GMDS: variants seen among roughly 807,000 people sequenced by gnomAD.
GMDS encodes GDP-mannose 4,6-dehydratase.
A neutral mutation model predicts 49.9 loss-of-function variants in GMDS; 20 were observed. That is an observed-to-expected ratio of 0.40 (90% confidence interval 0.28 to 0.58). GMDS has a LOEUF of 0.58. Among genes scored for constraint, GMDS ranks in the 20% least tolerant of loss-of-function variants. The pLI is 0.42. For synonymous variants in GMDS, 177 were observed against 178.6 expected, an observed-to-expected ratio of 0.99 and a Z score of 0.07; for missense variants, 362 against 481.4, an observed-to-expected ratio of 0.75 and a Z score of 2.32.
intron 9 of GMDS, among the ~76,000 whole-genome samples, chr6:1,685,879 A>G (rs1764959058): frequency 6.6e-6 from 1 of 152,192 alleles, no homozygotes; most frequent in Non-Finnish European, 1.5e-5. Context: ...AATTGCAAAA[A>G]TCTTCTTAAG....
intron 1 of GMDS, among the ~76,000 whole-genome samples, chr6:2,213,286 G>A (rs1780158697): frequency 6.6e-6 from 1 of 152,072 alleles, no homozygotes; most frequent in South Asian, 2.1e-4. Flanking sequence ...CTGGCAGTGG[G>A]GGTGGACTCT....
intron 6 of GMDS, among the ~76,000 whole-genome samples, chr6:1,953,317 TA>T (rs901311926): frequency 6.6e-6 from 1 of 151,256 alleles, no homozygotes; most frequent in Admixed American, 6.6e-5. Flanking sequence ...AAATCACATT[TA>T]AAAAAAAAGA....
At chr6:2,076,982 C>T (rs1267061501) in intron 4 of GMDS, among the ~76,000 whole-genome samples, 1 of 152,094 alleles carries the variant, frequency 6.6e-6, no homozygotes, top group East Asian at 1.9e-4. Flanking sequence ...GTTCATCCAT[C>T]TTTTGTAGTT....
intron 1 of GMDS, among the ~76,000 whole-genome samples, chr6:2,153,224 A>AT (rs910233424): frequency 1.3e-5 from 2 of 152,228 alleles, no homozygotes; most frequent in Non-Finnish European, 2.9e-5. Context: ...TAAAAAGGAA[A>AT]TTTTATGATA....
chr6:2,009,467 A>C (rs1426388820), intron 4 of GMDS, among the ~76,000 whole-genome samples: 1 of 152,204 alleles, frequency 6.6e-6, no homozygotes, highest in African/African-American at 2.4e-5. Context: ...TTGCTGTCAA[A>C]AGCAGACTAG....
At chr6:1,741,265 A>G (rs911192858) in intron 8 of GMDS, among the ~76,000 whole-genome samples, 3 of 152,198 alleles carry the variant, frequency 2.0e-5, no homozygotes. Context: ...ATTGTACAAC[A>G]GAATACCAGA....
intron 9 of GMDS, among the ~76,000 whole-genome samples, chr6:1,690,571 C>T (rs1204458382): frequency 6.6e-6 from 1 of 152,016 alleles, no homozygotes; most frequent in African/African-American, 2.4e-5. Context: ...AGTGAACAGA[C>T]AACCTACGGA....
At chr6:1,963,216 G>A (rs763239911) in intron 4 of GMDS, among the ~76,000 whole-genome samples, 1 of 147,744 alleles carries the variant, frequency 6.8e-6, no homozygotes, top group South Asian at 2.2e-4. Context: ...TCACTATGTT[G>A]CCCAGGCTGG....
At chr6:1,991,286 G>A (rs553297856) in intron 4 of GMDS, among the ~76,000 whole-genome samples, 21 of 152,146 alleles carry the variant, frequency 1.4e-4, no homozygotes, top group African/African-American at 4.1e-4. Context: ...CCACAGCTCC[G>A]GCATTTTCAA....
intron 8 of GMDS, among the ~76,000 whole-genome samples, chr6:1,733,438 G>T (rs1766891916): frequency 6.6e-6 from 1 of 152,200 alleles, no homozygotes. Context: ...CCTTTTGGCA[G>T]AACAGGGGGA....
At chr6:2,152,419 C>T (rs1776888599) in intron 1 of GMDS, among the ~76,000 whole-genome samples, 1 of 151,980 alleles carries the variant, frequency 6.6e-6, no homozygotes, top group African/African-American at 2.4e-5. Context: ...TAACTGGCTA[C>T]AAAATTATTA....
At chr6:2,133,780 G>A (rs1311238963) in intron 1 of GMDS, among the ~76,000 whole-genome samples, 1 of 152,126 alleles carries the variant, frequency 6.6e-6, no homozygotes, top group Non-Finnish European at 1.5e-5. Context: ...ACCCAGAAAG[G>A]TGCAGATCAT....
intron 9 of GMDS, among the ~76,000 whole-genome samples, chr6:1,637,626 A>G (rs988834487): frequency 2.0e-5 from 3 of 152,228 alleles, no homozygotes; most frequent in Non-Finnish European, 2.9e-5. Flanking sequence ...GCACCAGCAC[A>G]GATCATAACC....
intron 4 of GMDS, among the ~76,000 whole-genome samples, chr6:2,022,116 C>T (rs531974833): frequency 6.6e-6 from 1 of 152,130 alleles, no homozygotes; most frequent in East Asian, 1.9e-4. Context: ...AAAGACGACA[C>T]AGGCAACTCT....
intron 7 of GMDS, among the ~76,000 whole-genome samples, chr6:1,767,209 A>G (rs924827815): frequency 5.3e-5 from 8 of 152,100 alleles, no homozygotes; most frequent in Admixed American, 1.3e-4. Context: ...CCACCCCCCC[A>G]AATTTCATTA....
chr6:1,917,939 C>G (rs757688751), intron 7 of GMDS, among the ~76,000 whole-genome samples: 2 of 152,186 alleles, frequency 1.3e-5, no homozygotes, highest in African/African-American at 4.8e-5. Context: ...ATCACACTCA[C>G]GAGGGACAGA....
At chr6:2,121,369 G>C (rs906063950) in intron 2 of GMDS, among the ~76,000 whole-genome samples, 2 of 152,216 alleles carry the variant, frequency 1.3e-5, no homozygotes, top group African/African-American at 4.8e-5. Flanking sequence ...AAGAATGAAA[G>C]AGTGTTACAT....
intron 7 of GMDS, among the ~76,000 whole-genome samples, chr6:1,804,148 T>C (rs1485360559): frequency 6.6e-6 from 1 of 152,280 alleles, no homozygotes; most frequent in Admixed American, 6.5e-5. Flanking sequence ...TTTAATAAGA[T>C]GCGCTGTTTC....
At chr6:1,779,410 T>C (rs1330230915) in intron 7 of GMDS, among the ~76,000 whole-genome samples, 20 of 152,222 alleles carry the variant, frequency 1.3e-4, no homozygotes, top group Admixed American at 1.3e-3. Flanking sequence ...CCTGGGACTC[T>C]ACCTGGGCCC....
Sources: gnomAD v4.1 joint callset for allele counts (sites outside exome capture counted in the v4.1 genomes callset) on GRCh38, gnomAD v4.1.1 for gene constraint, MANE v1.5 for transcripts, NCBI Gene and HGNC (gene_info 2026-07-23, HGNC 2026-07-21) for gene names.